The following OXR1 variants were observed in gnomAD, a reference collection of about 807,000 sequenced individuals.
OXR1 encodes oxidation resistance protein 1.
Under a neutral mutation model 104.6 loss-of-function variants are expected in OXR1, and 41 were observed. That is an observed-to-expected ratio of 0.39 (90% CI 0.31 to 0.51). The LOEUF (loss-of-function observed/expected upper bound fraction) is 0.51. OXR1 is among the 20% of genes least tolerant of loss of function. OXR1 has a pLI of 0.77. For synonymous variants in OXR1, 348 were observed against 348.4 expected, an observed-to-expected ratio of 1.00 and a Z score of 0.01; for missense variants, 955 against 1,031.9, an observed-to-expected ratio of 0.93 and a Z score of 1.02.
chr8:106,372,681 A>G (rs1200312517), intron 2 of OXR1, among the ~76,000 whole-genome samples: 1 of 152,342 alleles, frequency 6.6e-6, no homozygotes, highest in East Asian at 1.9e-4. Context: ...GGCCATGTGT[A>G]TAAGGTGTAT....
chr8:106,631,190 A>G (rs1822655452), intron 3 of OXR1, among the ~76,000 whole-genome samples: 2 of 152,206 alleles, frequency 1.3e-5, no homozygotes, highest in Admixed American at 1.3e-4. Context: ...TTTGATCATT[A>G]CTAATCCTCC....
intron 2 of OXR1, among the ~76,000 whole-genome samples, chr8:106,448,380 C>T (rs1262078916): frequency 6.6e-6 from 1 of 152,146 alleles, no homozygotes; most frequent in Non-Finnish European, 1.5e-5. Flanking sequence ...CAGCTCGGCA[C>T]CACCTATCGT....
chr8:106,720,664 C>T, intron 11 of OXR1: 3 of 909,274 alleles, frequency 3.3e-6, no homozygotes, highest in Non-Finnish European at 3.9e-6. Flanking sequence ...TCATAGCTCC[C>T]TTACATACCA....
chr8:106,612,883 T>C (rs997121501), intron 3 of OXR1, among the ~76,000 whole-genome samples: 2 of 152,058 alleles, frequency 1.3e-5, no homozygotes, highest in African/African-American at 4.8e-5. Flanking sequence ...GGTTAAGTAA[T>C]TGGCCCTACA....
In OXR1 at chr8:106,655,307, G is replaced by GT. The variant is rs34669888; in HGVS notation, c.221-23891dup. On this transcript the variant is annotated intron_variant, in intron 3 of 16. Transcript: ENST00000517566. ...AGTACTTAAATTACATATGAATAAA[G>GT]TTTTTTTTTTTTAATGAGGCAAAAG... Among the ~76,000 whole-genome samples, 1,317 of 147,018 alleles carry GT rather than the reference G, an allele frequency of 9.0e-3. 11 individuals carry two copies. Among genetic ancestry groups the GT allele is most frequent in the Middle Eastern group, 0.028 (8 of 284 alleles).
chr8:106,679,633 GTGATAGTTATAATGGCAGA>G (rs1469361853), intron 4 of OXR1, among the ~76,000 whole-genome samples: 1 of 152,014 alleles, frequency 6.6e-6, no homozygotes, highest in Non-Finnish European at 1.5e-5. Flanking sequence ...AGCAGTGCTA[GTGATAGTTATAATGGCAGA>G]TGGGATACAT....
At chr8:106,300,692 A>G (rs1813198359) in intron 1 of OXR1, among the ~76,000 whole-genome samples, 1 of 152,150 alleles carries the variant, frequency 6.6e-6, no homozygotes, top group South Asian at 2.1e-4. Context: ...ACAGATCGAA[A>G]GGTAACCTGC....
At chr8:106,327,408 A>G (rs1288566434) in intron 1 of OXR1, among the ~76,000 whole-genome samples, 4 of 152,208 alleles carry the variant, frequency 2.6e-5, no homozygotes, top group Admixed American at 1.3e-4. Flanking sequence ...TTCTAGCATT[A>G]TCTATTATCT....
At chr8:106,280,915 T>G (rs1026787200) in intron 1 of OXR1, among the ~76,000 whole-genome samples, 1 of 152,130 alleles carries the variant, frequency 6.6e-6, no homozygotes, top group Non-Finnish European at 1.5e-5. Context: ...CCCAGGGACC[T>G]TTACTTAGTA....
At chr8:106,740,277 G>A (rs1029478027) in intron 13 of OXR1, 66 bp from the exon 14 acceptor site, 47 of 1,196,116 alleles carry the variant, frequency 3.9e-5, no homozygotes, top group Middle Eastern at 2.1e-4. Flanking sequence ...CATTCCAGCT[G>A]GCATTAGTAT....
At chr8:106,341,646 A>G (rs572878952) in intron 1 of OXR1, among the ~76,000 whole-genome samples, 32 of 152,110 alleles carry the variant, frequency 2.1e-4, no homozygotes, top group African/African-American at 7.2e-4. Context: ...TGAAAGCTCT[A>G]TTCTTCTATC....
At chr8:106,518,267 G>T (rs1002364980) in intron 2 of OXR1, among the ~76,000 whole-genome samples, 3 of 152,172 alleles carry the variant, frequency 2.0e-5, no homozygotes, top group Non-Finnish European at 4.4e-5. Context: ...TGGACTTAGG[G>T]TTTAATTACA....
chr8:106,333,450 AT>A (rs1387967786), intron 1 of OXR1, among the ~76,000 whole-genome samples: 3 of 152,008 alleles, frequency 2.0e-5, no homozygotes, highest in African/African-American at 7.2e-5. Flanking sequence ...TACTTTCTTT[AT>A]AGTATCCTGT....
intron 2 of OXR1, among the ~76,000 whole-genome samples, chr8:106,395,877 G>A (rs1006053019): frequency 6.6e-6 from 1 of 151,988 alleles, no homozygotes; most frequent in Non-Finnish European, 1.5e-5. Flanking sequence ...GACAGACCTT[G>A]AGTGTCTTCT....
chr8:106,312,885 G>A (rs2130139421), intron 1 of OXR1, among the ~76,000 whole-genome samples: 1 of 152,244 alleles, frequency 6.6e-6, no homozygotes, highest in African/African-American at 2.4e-5. Flanking sequence ...TGTGTCCAGT[G>A]TTTCATCTGG....
At chr8:106,610,506 G>C (rs768100297) in intron 3 of OXR1, among the ~76,000 whole-genome samples, 11 of 152,122 alleles carry the variant, frequency 7.2e-5, no homozygotes, top group Admixed American at 1.3e-4. Context: ...GAAGACACTG[G>C]TTCTTGCTTA....
At chr8:106,644,451 G>A (rs942178674) in intron 3 of OXR1, among the ~76,000 whole-genome samples, 1 of 152,170 alleles carries the variant, frequency 6.6e-6, no homozygotes, top group African/African-American at 2.4e-5. Flanking sequence ...GTGACTTGCT[G>A]AAATAGGTGT....
At chr8:106,587,536 G>A (rs1818723195) in intron 3 of OXR1, among the ~76,000 whole-genome samples, 1 of 152,152 alleles carries the variant, frequency 6.6e-6, no homozygotes, top group African/African-American at 2.4e-5. Context: ...TCTTAGTTAT[G>A]GTTGTTATTT....
intron 2 of OXR1, among the ~76,000 whole-genome samples, chr8:106,402,977 C>T (rs372542341): frequency 3.3e-5 from 5 of 152,130 alleles, no homozygotes; most frequent in South Asian, 4.2e-4. Flanking sequence ...TCCACCACCA[C>T]GCCTGGCTAA....
Sources: gnomAD v4.1 joint callset for allele counts (sites outside exome capture counted in the v4.1 genomes callset) on GRCh38, gnomAD v4.1.1 for gene constraint, MANE v1.5 for transcripts, NCBI Gene and HGNC (gene_info 2026-07-23, HGNC 2026-07-21) for gene names.